Variants in KSR1 observed in about 807,000 individuals in gnomAD.
The protein encoded by KSR1 is kinase suppressor of ras.
A neutral mutation model predicts 92.9 loss-of-function variants in KSR1; 35 were observed. The ratio of observed to expected loss-of-function variants is 0.38; its 90% CI spans 0.29 to 0.50. The LOEUF (loss-of-function observed/expected upper bound fraction) is 0.50, where lower values mean the gene tolerates loss of function less well. KSR1 is among the 20% of genes least tolerant of loss of function. The pLI, the probability that KSR1 is intolerant of heterozygous loss-of-function variation, is 0.94. For synonymous variants in KSR1, 467 were observed against 472.6 expected, an observed-to-expected ratio of 0.99 and a Z score of 0.15; for missense variants, 972 against 1,158.5, an observed-to-expected ratio of 0.84 and a Z score of 2.34.
chr17:27,607,930 A>T lies in KSR1; in HGVS notation c.2011A>T (p.Thr671Ser). 6.2e-7 allele frequency: 1 copy of T among 1,608,670 alleles called. No homozygotes were observed. The change falls in exon 15 of 21, where the codon ACG (threonine) becomes TCG (serine). Residue 671 changes from threonine to serine, a missense_variant. Around this residue, in one of 5 missense-constraint regions of KSR1, gnomAD observed 260 missense variants for 375.2 expected, o/e 0.69. Transcript: ENST00000644974. ...AIITSFCKGR[T>S]LHSFVRDPKT... ...CCTCGACAGCTTCTGCAAGGGGCGG[A>T]CGTTGCACTCGTTTGTGAGGGACCC...
At chr17:27,615,425 T>C (rs1382021949) in intron 18 of KSR1, among the ~76,000 whole-genome samples, 1 of 152,260 alleles carries the variant, frequency 6.6e-6, no homozygotes, top group Non-Finnish European at 1.5e-5. Context: ...CTCACAATTT[T>C]GTTGGCTTCA....
chr17:27,609,276 G>T lies in KSR1; in HGVS notation c.2172G>T (p.Val724=). Residue 724 remains valine, a synonymous_variant, in exon 16 of 21, where the codon GTG becomes GTT. Transcript: ENST00000644974. ...ACGTCTTCTATGACAACGGCAAGGTGGTCATCACAGACTTCGGGCTGTTTG... is the reference window on the plus strand; with the variant it reads ...ACGTCTTCTATGACAACGGCAAGGTTGTCATCACAGACTTCGGGCTGTTTG... The part of the protein sequence containing the change: ...SKNVFYDNGK[V]VITDFGLFGI... The T allele has an allele frequency of 6.2e-7, 1 of 1,613,998 alleles. No homozygotes were observed. The highest frequency in any genetic ancestry group is 8.5e-7 in the Non-Finnish European group (1 of 1,179,890).
chr17:27,601,293 C>G (rs2151219022), intron 10 of KSR1, 67 bp from the exon 11 acceptor site: 2 of 1,401,100 alleles, frequency 1.4e-6, no homozygotes, highest in African/African-American at 1.4e-5. Flanking sequence ...CCGGTACCTG[C>G]AATTCCGCTC....
chr17:27,496,737 A>C (rs981488870), intron 1 of KSR1, among the ~76,000 whole-genome samples: 12 of 152,236 alleles, frequency 7.9e-5, no homozygotes, highest in African/African-American at 2.9e-4. Flanking sequence ...AGTGGCCCTC[A>C]GGATTTGCAG....
In KSR1 at chr17:27,614,262, A is replaced by G. The variant is rs1345797194; in HGVS notation, c.2493+2633A>G. ...TGCCCTTATGTCCTGTGGCCGCACC[A>G]TAATGTAACTACTTCTGTCACTGGA... On this transcript the variant is annotated intron_variant, in intron 18 of 20. Transcript: ENST00000644974. 3.3e-5 allele frequency among the ~76,000 whole-genome samples: 5 copies of G among 152,252 alleles called. No individual in the cohort carries two copies. The East Asian group carries it at 9.6e-4, about 29-fold the overall frequency.
chr17:27,475,997 G>A (rs1450979259), intron 1 of KSR1, among the ~76,000 whole-genome samples: 1 of 152,198 alleles, frequency 6.6e-6, no homozygotes, highest in African/African-American at 2.4e-5. Flanking sequence ...TGAGTTATTT[G>A]TGGTGGGACT....
chr17:27,559,461 C>T lies in KSR1; in HGVS notation c.372+8753C>T, dbSNP rs956113371. 2.6e-5 allele frequency among the ~76,000 whole-genome samples: 4 copies of T among 152,232 alleles called. No homozygotes were observed. The highest frequency in any genetic ancestry group is 9.6e-5 in the African/African-American group (4 of 41,452). ...TGTGGCAGCCCTTAGCCATATGTGG[C>T]TTGGGGACACTTGAAATGTGTATAG... On this transcript the variant is annotated intron_variant, in intron 2 of 20. Transcript: ENST00000644974. The surrounding 1 kb of genome is among the most constrained non-coding windows in gnomAD (Gnocchi z 4.2).
chr17:27,527,394 C>T (rs10438802), intron 1 of KSR1, among the ~76,000 whole-genome samples: 2,204 of 54,986 alleles, frequency 0.04, 197 homozygotes, highest in African/African-American at 0.18. Context: ...CACACCCGCC[C>T]CCCCCCCCCC....
chr17:27,504,841 G>GCCTCTTC, intron 1 of KSR1, among the ~76,000 whole-genome samples: 1 of 152,340 alleles, frequency 6.6e-6, no homozygotes, highest in Middle Eastern at 3.4e-3. Flanking sequence ...AGTGCCAGGA[G>GCCTCTTC]CCGGCTTATC....
At chr17:27,468,984 C>G (rs1057045101) in intron 1 of KSR1, among the ~76,000 whole-genome samples, 3 of 152,186 alleles carry the variant, frequency 2.0e-5, no homozygotes, top group African/African-American at 7.2e-5. Flanking sequence ...CTTCCTTTTC[C>G]TTGTTGCTTG....
At chr17:27,506,911 G>A (rs970602449) in intron 1 of KSR1, among the ~76,000 whole-genome samples, 4 of 151,908 alleles carry the variant, frequency 2.6e-5, no homozygotes, top group African/African-American at 4.8e-5. Flanking sequence ...GAGAAGAGCC[G>A]CACACATGCC....
At chr17:27,486,602 G>A (rs928897788) in intron 1 of KSR1, among the ~76,000 whole-genome samples, 1 of 152,200 alleles carries the variant, frequency 6.6e-6, no homozygotes, top group Non-Finnish European at 1.5e-5. Context: ...CAGCAGCCCC[G>A]GGGATGGGGT....
rs2073731169 is a variant in KSR1 at position 27,605,767 on chromosome 17, T to C, written c.1948T>C (p.Phe650Leu). The C allele has an allele frequency of 1.9e-6, 3 of 1,612,722 alleles. No homozygotes were observed. Among genetic ancestry groups the C allele is most frequent in the Non-Finnish European group, 2.5e-6 (3 of 1,179,818 alleles). Reference protein sequence around the residue: ...RQTRHENVVLFMGACMNPPHL... With the variant: ...RQTRHENVVLLMGACMNPPHL... ...GACGCGGCATGAGAACGTGGTGCTCTTCATGGGGGCCTGCATGAACCCGCC... is the reference window on the plus strand; with the variant it reads ...GACGCGGCATGAGAACGTGGTGCTCCTCATGGGGGCCTGCATGAACCCGCC... Residue 650 changes from phenylalanine to leucine, a missense_variant, in exon 14 of 21, where the codon TTC becomes CTC. Phe to Leu is a conservative substitution (Grantham distance 22). Around this residue, in one of 5 missense-constraint regions of KSR1, gnomAD observed 260 missense variants for 375.2 expected, o/e 0.69. Transcript: ENST00000644974.
rs76247480 is a variant in KSR1 at position 27,523,160 on chromosome 17, A to G, written c.232-27408A>G. Among the ~76,000 whole-genome samples, 49 of 152,344 alleles carry G rather than the reference A, an allele frequency of 3.2e-4. 1 individual carries two copies. The East Asian group carries it at 8.5e-3, about 26-fold the overall frequency. ...TGGAAAAACTAGCATGCAAGTGCTC[A>G]AGGAGAAATAGATGTACATTGTAAC... On this transcript the variant is annotated intron_variant, in intron 1 of 20. Coordinates refer to ENST00000644974, the MANE Select transcript of KSR1 (RefSeq NM_001394583.1).
At chr17:27,570,738 C>A (rs542540960) in intron 2 of KSR1, among the ~76,000 whole-genome samples, 55 of 152,274 alleles carry the variant, frequency 3.6e-4, no homozygotes, top group African/African-American at 1.2e-3. Flanking sequence ...TGAACACAGC[C>A]GTGCTGTGGC....
In KSR1 at chr17:27,621,274, G is replaced by T. The variant is rs961787280; in HGVS notation, c.2708+1G>T. 3.8e-5 allele frequency: 15 copies of T among 398,210 alleles called. No individual in the cohort carries two copies. The highest frequency in any genetic ancestry group is 5.3e-5 in the Non-Finnish European group (12 of 225,846). 24.7% of individuals were successfully genotyped at this position (398,210 alleles called of 1,614,324 possible). A position where few individuals can be genotyped will look rare whatever the true frequency, so the allele number is the denominator to read the frequency against. On this transcript the variant is annotated splice_donor_variant, in intron 20 of 20. Transcript: ENST00000644974. LOFTEE classifies it high-confidence loss of function. ...GCTCCTGTCCGATTCTGGAGGAATA[G>T]TGTGTTCCTGTTACTTCCTTCGCTG...
chr17:27,526,604 G>C (rs2070308808), intron 1 of KSR1: 1 of 1,578,076 alleles, frequency 6.3e-7, no homozygotes, highest in South Asian at 1.1e-5. Flanking sequence ...ATGGACATTT[G>C]TTGATCATGT....
intron 1 of KSR1, among the ~76,000 whole-genome samples, chr17:27,546,279 A>C (rs917122968): frequency 6.6e-6 from 1 of 152,232 alleles, no homozygotes; most frequent in African/African-American, 2.4e-5. Flanking sequence ...ATGTGTAATT[A>C]TAGGGAGATC....
intron 5 of KSR1, chr17:27,586,994 T>G (rs2072993384): frequency 6.6e-6 from 1 of 152,246 alleles, no homozygotes; most frequent in African/African-American, 2.4e-5. Context: ...TGCCTCAGCC[T>G]CCCGAGTAGC....
Sources: allele counts gnomAD v4.1 joint callset (sites outside exome capture counted in the v4.1 genomes callset), GRCh38; gene constraint gnomAD v4.1.1; regional missense constraint gnomAD v4.1.1; non-coding constraint Gnocchi (gnomAD v3.1); transcripts MANE v1.5; gene names NCBI Gene and HGNC (gene_info 2026-07-23, HGNC 2026-07-21).